The following DLG2 variants were observed in gnomAD, a reference collection of about 807,000 sequenced individuals.
DLG2 encodes discs large MAGUK scaffold protein 2.
DLG2 carries 45 observed loss-of-function variants against 132.5 expected under a neutral mutation model. That is an observed-to-expected ratio of 0.34 (90% CI 0.27 to 0.44). The LOEUF (loss-of-function observed/expected upper bound fraction) is 0.44, where lower values mean the gene tolerates loss of function less well. Ranked by LOEUF, DLG2 falls within the 20% of genes least tolerant of loss-of-function variation. The pLI, the probability that DLG2 is intolerant of heterozygous loss-of-function variation, is 1.00. For synonymous variants in DLG2, 424 were observed against 419.6 expected (o/e 1.01, Z -0.13); for missense variants, 1,045 against 1,196.9 (o/e 0.87, Z 1.87).
chr11:84,451,274 TAG>T (rs2099050874), intron 7 of DLG2, among the ~76,000 whole-genome samples: 2 of 151,958 alleles, frequency 1.3e-5, no homozygotes, highest in African/African-American at 4.8e-5. Flanking sequence ...ATTAATGTCT[TAG>T]AAATTTAATT....
At chr11:85,176,034 C>T (rs576185482) in intron 4 of DLG2, among the ~76,000 whole-genome samples, 8 of 152,296 alleles carry the variant, frequency 5.3e-5, no homozygotes, top group Admixed American at 3.3e-4. Flanking sequence ...AATGGCCATA[C>T]TGCCCAAAGT....
chr11:85,516,266 C>A (rs1321880293), intron 3 of DLG2, among the ~76,000 whole-genome samples: 1 of 151,912 alleles, frequency 6.6e-6, no homozygotes, highest in Non-Finnish European at 1.5e-5. Flanking sequence ...AAAAGAGACA[C>A]AATACACCAA....
intron 6 of DLG2, among the ~76,000 whole-genome samples, chr11:84,835,584 A>G (rs1031687761): frequency 6.6e-6 from 1 of 151,732 alleles, no homozygotes; most frequent in African/African-American, 2.4e-5. Flanking sequence ...GACTTTCCGC[A>G]CTAAATCTTG....
At chr11:83,487,396 T>C (rs967547559) in intron 21 of DLG2, among the ~76,000 whole-genome samples, 2 of 152,088 alleles carry the variant, frequency 1.3e-5, no homozygotes, top group Admixed American at 1.3e-4. Flanking sequence ...TTAATCTCCA[T>C]GCTAACTTCA....
rs115654141 is a variant in DLG2 at position 85,138,927 on chromosome 11, C to T, written c.282+15629G>A. 1.7e-3 allele frequency among the ~76,000 whole-genome samples: 260 copies of T among 152,190 alleles called. 1 individual carries two copies. Among genetic ancestry groups the T allele is most frequent in the African/African-American group, 6.1e-3 (254 of 41,550 alleles). Reference sequence around the variant, plus strand: ...GCACACTGGCCTGTTACCTGTTCCTCAATATAGTGTTTCACTCTAATTCTT... The same window carrying T: ...GCACACTGGCCTGTTACCTGTTCCTTAATATAGTGTTTCACTCTAATTCTT... On this transcript the variant is annotated intron_variant, in intron 5 of 27. Coordinates refer to ENST00000376104, the MANE Select transcript of DLG2 (RefSeq NM_001142699.3).
intron 6 of DLG2, among the ~76,000 whole-genome samples, chr11:85,005,376 AT>A (rs1459069141): frequency 6.6e-6 from 1 of 152,118 alleles, no homozygotes; most frequent in Non-Finnish European, 1.5e-5. Flanking sequence ...ATGTGTTTCC[AT>A]TTGTTTGTGT....
At chr11:84,299,188 G>C (rs534070347) in intron 7 of DLG2, among the ~76,000 whole-genome samples, 1 of 152,200 alleles carries the variant, frequency 6.6e-6, no homozygotes, top group South Asian at 2.1e-4. Context: ...CATTTCCAAA[G>C]ATACGTAAGT....
At chr11:85,522,290 CT>C (rs2074377735) in intron 3 of DLG2, among the ~76,000 whole-genome samples, 1 of 152,186 alleles carries the variant, frequency 6.6e-6, no homozygotes, top group African/African-American at 2.4e-5. Flanking sequence ...AAGACAAGAA[CT>C]GAGGTTTGGG....
intron 7 of DLG2, among the ~76,000 whole-genome samples, chr11:84,252,809 C>T (rs971792154): frequency 6.6e-6 from 1 of 152,146 alleles, no homozygotes; most frequent in Admixed American, 6.5e-5. Context: ...AGATAAAGGA[C>T]ATACTTTCAT....
chr11:84,611,763 A>G (rs2099595977), intron 6 of DLG2, among the ~76,000 whole-genome samples: 1 of 152,178 alleles, frequency 6.6e-6, no homozygotes, highest in African/African-American at 2.4e-5. Flanking sequence ...GTAGACTCCA[A>G]AGAGAAATCA....
chr11:84,857,788 T>C (rs746773233), intron 6 of DLG2, among the ~76,000 whole-genome samples: 3 of 152,112 alleles, frequency 2.0e-5, no homozygotes, highest in Non-Finnish European at 4.4e-5. Flanking sequence ...ACCAAGATCT[T>C]TGGCCTGTTG....
chr11:84,541,706 A>T (rs2099371996), intron 6 of DLG2, among the ~76,000 whole-genome samples: 1 of 152,186 alleles, frequency 6.6e-6, no homozygotes, highest in South Asian at 2.1e-4. Flanking sequence ...GTTTAACTGA[A>T]TTAAACTGTA....
intron 7 of DLG2, among the ~76,000 whole-genome samples, chr11:84,527,067 C>A (rs191919385): frequency 0.014 from 2,112 of 152,164 alleles, 61 homozygotes; most frequent in African/African-American, 0.049. Context: ...CGTGAGCCAC[C>A]GCTCCCGGCC....
chr11:83,485,760 T>C (rs1482344980), intron 21 of DLG2, among the ~76,000 whole-genome samples: 4 of 152,294 alleles, frequency 2.6e-5, no homozygotes, highest in African/African-American at 9.6e-5. Context: ...CTTATCTTCT[T>C]TGTATACTCA....
At chr11:83,682,764 C>T (rs1389282907) in intron 18 of DLG2, among the ~76,000 whole-genome samples, 3 of 152,116 alleles carry the variant, frequency 2.0e-5, no homozygotes, top group Non-Finnish European at 4.4e-5. Flanking sequence ...AGGAGTGCTA[C>T]AGTACAGATG....
At chr11:84,256,919 C>T (rs117785759) in intron 7 of DLG2, among the ~76,000 whole-genome samples, 1 of 152,172 alleles carries the variant, frequency 6.6e-6, no homozygotes, top group Admixed American at 6.5e-5. Context: ...AGATAGCATG[C>T]TAGCAAACTT....
intron 18 of DLG2, among the ~76,000 whole-genome samples, chr11:83,718,532 G>GAAAAAAAAAAAAAAAAAAAAAAAAAAA: frequency 1.9e-5 from 2 of 106,286 alleles, no homozygotes; most frequent in Non-Finnish European, 3.6e-5. Context: ...CTCAAAAAAA[G>GAAAAAAAAAAAAAAAAAAAAAAAAAAA]AAAAAAAAAA....
At chr11:85,486,859 TA>T (rs1289389231) in intron 3 of DLG2, among the ~76,000 whole-genome samples, 1 of 151,492 alleles carries the variant, frequency 6.6e-6, no homozygotes, top group Non-Finnish European at 1.5e-5. Context: ...CCAGGACCAC[TA>T]ACAGGTGCGA....
chr11:84,767,890 C>T (rs1306067356), intron 6 of DLG2, among the ~76,000 whole-genome samples: 1 of 152,050 alleles, frequency 6.6e-6, no homozygotes, highest in Non-Finnish European at 1.5e-5. Flanking sequence ...GTTTCTCTCC[C>T]TTTGGCCTTC....
Sources: allele counts gnomAD v4.1 joint callset (sites outside exome capture counted in the v4.1 genomes callset), GRCh38; gene constraint gnomAD v4.1.1; transcripts MANE v1.5; gene names NCBI Gene and HGNC (gene_info 2026-07-23, HGNC 2026-07-21).